BRINP3: variants seen among roughly 807,000 people sequenced by gnomAD.
BRINP3 encodes the protein BMP/retinoic acid-inducible neural-specific protein 3.
A neutral mutation model predicts 71.0 loss-of-function variants in BRINP3; 19 were observed. That is an observed-to-expected ratio of 0.27 (90% CI 0.19 to 0.39). The LOEUF (loss-of-function observed/expected upper bound fraction) is 0.39, where lower values mean the gene tolerates loss of function less well. Ranked by LOEUF, BRINP3 falls within the 10% of genes least tolerant of loss-of-function variation. BRINP3 has a pLI of 1.00. For synonymous variants in BRINP3, 380 were observed against 337.7 expected (o/e 1.13, Z -1.37); for missense variants, 959 against 940.8 (o/e 1.02, Z -0.25).
chr1:190,191,609 T>C (rs778605726), intron 6 of BRINP3, among the ~76,000 whole-genome samples: 2 of 152,182 alleles, frequency 1.3e-5, no homozygotes, highest in Non-Finnish European at 2.9e-5. Context: ...GACTGCATAG[T>C]ATTCCATGGT....
chr1:190,365,585 A>C (rs143137386), intron 2 of BRINP3, among the ~76,000 whole-genome samples: 141 of 146,480 alleles, frequency 9.6e-4, no homozygotes, highest in African/African-American at 3.4e-3. Flanking sequence ...TATGATATTA[A>C]TTTAATATTA....
At chr1:190,174,903 C>T (rs182632471) in intron 6 of BRINP3, among the ~76,000 whole-genome samples, 2 of 152,064 alleles carry the variant, frequency 1.3e-5, no homozygotes, top group East Asian at 3.9e-4. Context: ...AATATGCCAC[C>T]ACATATTAAA....
At chr1:190,297,779 C>T (rs1031683778) in intron 2 of BRINP3, among the ~76,000 whole-genome samples, 2 of 146,630 alleles carry the variant, frequency 1.4e-5, no homozygotes, top group African/African-American at 2.5e-5. Flanking sequence ...TCTGTTTTCT[C>T]GTGTGTGTGT....
intron 2 of BRINP3, among the ~76,000 whole-genome samples, chr1:190,338,868 A>G (rs1667463866): frequency 6.6e-6 from 1 of 151,936 alleles, no homozygotes; most frequent in African/African-American, 2.4e-5. Context: ...GACTAAAAAC[A>G]TAGTTATCAA....
intron 3 of BRINP3, among the ~76,000 whole-genome samples, chr1:190,267,093 G>A (rs1661726666): frequency 6.6e-6 from 1 of 151,998 alleles, no homozygotes; most frequent in African/African-American, 2.4e-5. Context: ...TTTCTTTCTA[G>A]GTACAAAGGG....
chr1:190,384,556 T>C (rs1356312910), intron 2 of BRINP3, among the ~76,000 whole-genome samples: 1 of 151,828 alleles, frequency 6.6e-6, no homozygotes, highest in Non-Finnish European at 1.5e-5. Flanking sequence ...TATAGAAATA[T>C]TGAGATAATT....
chr1:190,319,554 G>A (rs1666101867), intron 2 of BRINP3, among the ~76,000 whole-genome samples: 1 of 152,060 alleles, frequency 6.6e-6, no homozygotes, highest in Non-Finnish European at 1.5e-5. Context: ...AAGCATGATG[G>A]CTTCTGCTTC....
intron 2 of BRINP3, among the ~76,000 whole-genome samples, chr1:190,284,285 T>C (rs1428494998): frequency 1.3e-5 from 2 of 152,026 alleles, no homozygotes; most frequent in African/African-American, 4.8e-5. Context: ...GAAATCAATT[T>C]ATAAGGCTCT....
intron 2 of BRINP3, among the ~76,000 whole-genome samples, chr1:190,301,939 C>A (rs988228910): frequency 1.1e-3 from 165 of 151,772 alleles, no homozygotes; most frequent in African/African-American, 3.0e-3. Context: ...CCCTATATTT[C>A]TTTGCTGAAA....
chr1:190,166,421 C>A (rs1651544572), intron 6 of BRINP3, among the ~76,000 whole-genome samples: 1 of 152,080 alleles, frequency 6.6e-6, no homozygotes, highest in African/African-American at 2.4e-5. Flanking sequence ...TGTTTATGAC[C>A]CCATTCATCT....
chr1:190,292,762 G>A (rs1046412189), intron 2 of BRINP3, among the ~76,000 whole-genome samples: 4 of 151,684 alleles, frequency 2.6e-5, no homozygotes, highest in Non-Finnish European at 4.4e-5. Flanking sequence ...CATGTAATTC[G>A]TGATTCAGTA....
At chr1:190,317,283 T>A (rs1222224773) in intron 2 of BRINP3, among the ~76,000 whole-genome samples, 2 of 151,848 alleles carry the variant, frequency 1.3e-5, no homozygotes, top group Non-Finnish European at 2.9e-5. Flanking sequence ...GGGCACGTAA[T>A]TGCTGCTAAC....
chr1:190,365,835 T>TACACACAC (rs943252110), intron 2 of BRINP3, among the ~76,000 whole-genome samples: 2 of 136,758 alleles, frequency 1.5e-5, no homozygotes, highest in African/African-American at 5.4e-5. Flanking sequence ...TATATATATA[T>TACACACAC]ACACACACAC....
At chr1:190,126,020 G>A (rs146444533) in intron 7 of BRINP3, among the ~76,000 whole-genome samples, 43 of 151,944 alleles carry the variant, frequency 2.8e-4, no homozygotes, top group African/African-American at 9.6e-4. Context: ...AAAAATACTC[G>A]TATCCTGTGA....
intron 2 of BRINP3, among the ~76,000 whole-genome samples, chr1:190,339,972 G>C (rs1008304565): frequency 6.6e-6 from 1 of 151,798 alleles, no homozygotes; most frequent in South Asian, 2.1e-4. Context: ...TATTAGACAG[G>C]TGCCTTATGA....
At chr1:190,381,006 C>CAAAATA (rs775777135) in intron 2 of BRINP3, among the ~76,000 whole-genome samples, 8 of 151,940 alleles carry the variant, frequency 5.3e-5, no homozygotes, top group Admixed American at 1.3e-4. Flanking sequence ...ATATGAGCCT[C>CAAAATA]AAAAATACTA....
chr1:190,459,856 C>T (rs748553674), intron 1 of BRINP3, among the ~76,000 whole-genome samples: 11 of 152,008 alleles, frequency 7.2e-5, no homozygotes, highest in Non-Finnish European at 1.0e-4. Context: ...AAGACTGATA[C>T]GGTAAACTCT....
At position 190,134,015 on chromosome 1, in the gene BRINP3, A is replaced by G. The variant is rs141644367; in HGVS notation, c.1184+26653T>C. On this transcript the variant is annotated intron_variant, in intron 7 of 7. Transcript: ENST00000367462. ...TACATTTCTTGTGTTGGGGGATTTA[A>G]AATACAACAGCGAAAAAGAGAAATA... Among the ~76,000 whole-genome samples the G allele has an allele frequency of 4.0e-3, 615 of 152,270 alleles. 3 individuals carry two copies. The highest frequency in any genetic ancestry group is 0.017 in the Middle Eastern group (5 of 294).
intron 6 of BRINP3, among the ~76,000 whole-genome samples, chr1:190,170,607 CT>C (rs2102494797): frequency 6.6e-6 from 1 of 152,100 alleles, no homozygotes; most frequent in Admixed American, 6.5e-5. Context: ...AATTCTAAGA[CT>C]TAATACTAAT....
Sources: allele counts gnomAD v4.1 joint callset (sites outside exome capture counted in the v4.1 genomes callset), GRCh38; gene constraint gnomAD v4.1.1; transcripts MANE v1.5; gene names NCBI Gene and HGNC (gene_info 2026-07-23, HGNC 2026-07-21).